The following MYO10 variants were observed in gnomAD, a reference collection of about 807,000 sequenced individuals.
MYO10 encodes the protein unconventional myosin-X.
Under a neutral mutation model 257.3 loss-of-function variants are expected in MYO10, and 133 were observed. That is an observed-to-expected ratio of 0.52 (90% CI 0.45 to 0.60). The LOEUF (loss-of-function observed/expected upper bound fraction) is 0.60. Ranked by LOEUF, MYO10 falls within the 20% of genes least tolerant of loss-of-function variation. The probability of loss-of-function intolerance (pLI) is 0.00; values close to 1 mark genes in which losing one functional copy is unlikely to be tolerated. For missense variants in MYO10, 2,399 were observed against 2,635.7 expected (o/e 0.91, Z 1.97); for synonymous variants, 1,104 against 1,028.6 (o/e 1.07, Z -1.40).
At position 16,689,390 on chromosome 5, in the gene MYO10, A is replaced by G. The variant is rs1737387575; in HGVS notation, c.3896+434T>C. On this transcript the variant is annotated intron_variant, in intron 28 of 40. Transcript: ENST00000513610. ...AATATTAAGATCTTTAAAACCCCCC[A>G]GTGCCATAGCACTATCAGTTACTTA... 2.0e-5 allele frequency among the ~76,000 whole-genome samples: 3 copies of G among 152,266 alleles called. No individual in the cohort carries two copies. The South Asian group carries it at 6.2e-4, about 32-fold the overall frequency.
intron 2 of MYO10, among the ~76,000 whole-genome samples, chr5:16,873,797 C>T (rs762175936): frequency 3.3e-5 from 5 of 152,194 alleles, no homozygotes; most frequent in African/African-American, 9.7e-5. Flanking sequence ...CTTTCAGCCA[C>T]GGCTGGAGTG....
At chr5:16,833,778 A>T (rs1743225722) in intron 2 of MYO10, among the ~76,000 whole-genome samples, 1 of 152,176 alleles carries the variant, frequency 6.6e-6, no homozygotes, top group South Asian at 2.1e-4. Context: ...TCTATAATAT[A>T]AGAATAATCC....
At chr5:16,772,331 C>T (rs776284888) in intron 9 of MYO10, among the ~76,000 whole-genome samples, 11 of 152,074 alleles carry the variant, frequency 7.2e-5, no homozygotes, top group Non-Finnish European at 1.2e-4. Flanking sequence ...AGGGGGTTCT[C>T]CATGTTGGTC....
At chr5:16,853,201 T>C (rs1318522608) in intron 2 of MYO10, among the ~76,000 whole-genome samples, 2 of 152,014 alleles carry the variant, frequency 1.3e-5, no homozygotes, top group African/African-American at 4.8e-5. Flanking sequence ...AAATTCCATC[T>C]CTACTGAAAA....
rs1316340786 is a variant in MYO10 at position 16,704,624 on chromosome 5, T to TG, written c.2230dup (p.His744ProfsTer130). 6.2e-7 allele frequency: 1 copy of TG among 1,613,978 alleles called. No individual in the cohort carries two copies. On this transcript the variant is annotated frameshift_variant, in exon 22 of 41. Transcript: ENST00000513610. LOFTEE classifies it high-confidence loss of function. ...ATGGGCCCGAATCACCATGGCCGCG[T>TG]GGCTCACTTCCTCTTCCCTCCGCTT...
chr5:16,821,549 C>T (rs1742815329), intron 2 of MYO10, among the ~76,000 whole-genome samples: 1 of 145,630 alleles, frequency 6.9e-6, no homozygotes, highest in African/African-American at 2.5e-5. Flanking sequence ...TCACTGCAAC[C>T]TCCACCTCCC....
At position 16,666,472 on chromosome 5, in the gene MYO10, G is replaced by C; in HGVS notation, c.*220C>G. On this transcript the variant is annotated 3_prime_UTR_variant, in exon 41 of 41. Coordinates refer to ENST00000513610, the MANE Select transcript of MYO10 (RefSeq NM_012334.3). ...GCATGTGTCCTCTAAGAGTAGTAAA[G>C]CTTTGGAAACTGTGCAGACTGTTAA... 1 of 477,162 alleles carries C rather than the reference G, an allele frequency of 2.1e-6. No individual in the cohort carries two copies. The highest frequency in any genetic ancestry group is 3.7e-6 in the Non-Finnish European group (1 of 270,426). The allele number at this position is 477,162 out of a possible 1,614,324, so 29.6% of individuals were successfully genotyped here.
intron 3 of MYO10, among the ~76,000 whole-genome samples, chr5:16,798,940 T>C (rs1327921391): frequency 6.6e-6 from 1 of 152,108 alleles, no homozygotes; most frequent in Non-Finnish European, 1.5e-5. Flanking sequence ...ATTATTAAAT[T>C]TAATTAATTT....
chr5:16,667,467 T>C (rs1736226641), intron 40 of MYO10, among the ~76,000 whole-genome samples: 1 of 152,148 alleles, frequency 6.6e-6, no homozygotes, highest in Non-Finnish European at 1.5e-5. Flanking sequence ...TCACTGTCTG[T>C]AAATTCACTG....
Position 16,761,514 on chromosome 5 carries a change from C to T in MYO10, c.1689G>A (p.Lys563=), listed in dbSNP as rs1261612000. 1.2e-6 allele frequency: 2 copies of T among 1,613,180 alleles called. No homozygotes were observed. ...VQYDVRGILE[K]NRDTFRDDLL... is the part of the protein sequence containing the mutation. ...GGTCATCTCGAAATGTATCTCTGTT[C>T]TTCTCCAAGATACCTCGGACATCAT... is the stretch of plus-strand genomic sequence containing the variant. The change falls in exon 17 of 41, where the codon AAG becomes AAA. Residue 563 remains lysine, a synonymous_variant. Transcript: ENST00000513610.
chr5:16,914,072 G>A (rs1209206995), intron 1 of MYO10, among the ~76,000 whole-genome samples: 2 of 152,182 alleles, frequency 1.3e-5, no homozygotes, highest in African/African-American at 4.8e-5. Context: ...AAAGGAACAT[G>A]AGCAAGTCTG....
intron 1 of MYO10, among the ~76,000 whole-genome samples, chr5:16,889,299 G>C (rs981636885): frequency 6.6e-6 from 1 of 151,886 alleles, no homozygotes; most frequent in Non-Finnish European, 1.5e-5. Context: ...CCAGGCAGTC[G>C]GGAGGCTGAG....
Position 16,763,776 on chromosome 5 carries a change from A to G in MYO10, c.1327-21T>C, listed in dbSNP as rs75125737. On this transcript the variant is annotated intron_variant, in intron 12 of 40. Transcript: ENST00000513610. ...TTAACCTAAGGGGGGAAAGCATTCA[A>G]TAAGTATCTTTAGTGTACTCACGAT... 3.8e-3 allele frequency: 5,265 copies of G among 1,389,134 alleles called. 138 individuals carry two copies. In the African/African-American group the frequency reaches 0.064, roughly 17 times the overall value. 86.1% of individuals were successfully genotyped at this position (1,389,134 alleles called of 1,614,324 possible).
chr5:16,844,707 T>C (rs187002437), intron 2 of MYO10, among the ~76,000 whole-genome samples: 67 of 152,216 alleles, frequency 4.4e-4, no homozygotes, highest in Non-Finnish European at 6.8e-4. Context: ...AAACCAACTA[T>C]AGAATTAGCT....
intron 2 of MYO10, among the ~76,000 whole-genome samples, chr5:16,823,951 G>C (rs1294441060): frequency 2.0e-5 from 3 of 152,108 alleles, no homozygotes; most frequent in Non-Finnish European, 2.9e-5. Context: ...AGGATTAACA[G>C]ACAAGAAATC....
At chr5:16,693,214 G>A (rs1737584006) in intron 27 of MYO10, among the ~76,000 whole-genome samples, 1 of 152,146 alleles carries the variant, frequency 6.6e-6, no homozygotes, top group African/African-American at 2.4e-5. Flanking sequence ...GCTGCAGTGA[G>A]CCGAGATCGT....
At chr5:16,713,598 A>G (rs1236146085) in intron 19 of MYO10, 1 of 695,468 alleles carries the variant, frequency 1.4e-6, no homozygotes, top group Admixed American at 6.3e-5. Context: ...CCAGGCTCCC[A>G]TTGCGATTGT....
rs1330537659 is a variant in MYO10, at chr5:16,935,977, G to A, written c.-169C>T. On this transcript the variant is annotated 5_prime_UTR_variant, in exon 1 of 41. Transcript: ENST00000513610. ...TCCCTTCTTGTCCTTCTCACCTTTT[G>A]TTCGCCCAAACCCAAGTCCCTAACT... 10 of 779,612 alleles carry A rather than the reference G, an allele frequency of 1.3e-5. No homozygotes were observed. In the East Asian group the frequency reaches 2.5e-4, roughly 19 times the overall value. 48.3% of individuals were successfully genotyped at this position (779,612 alleles called of 1,614,324 possible).
intron 19 of MYO10, among the ~76,000 whole-genome samples, chr5:16,718,792 C>A (rs1262232211): frequency 6.6e-6 from 1 of 152,008 alleles, no homozygotes; most frequent in Non-Finnish European, 1.5e-5. Context: ...TGTGAGTACA[C>A]CAATCAACAC....
Sources: allele counts gnomAD v4.1 joint callset (sites outside exome capture counted in the v4.1 genomes callset), GRCh38; gene constraint gnomAD v4.1.1; transcripts MANE v1.5; gene names NCBI Gene and HGNC (gene_info 2026-07-23, HGNC 2026-07-21).